Variants in SNCAIP observed in about 807,000 individuals in gnomAD.
SNCAIP encodes the protein synuclein alpha interacting protein.
Under a neutral mutation model 86.7 loss-of-function variants are expected in SNCAIP, and 43 were observed. The ratio of observed to expected loss-of-function variants is 0.50; its 90% CI spans 0.39 to 0.64. The LOEUF is 0.64. Among genes scored for constraint, SNCAIP ranks in the 30% least tolerant of loss-of-function variants. SNCAIP has a pLI of 0.00. For synonymous variants in SNCAIP, 417 were observed against 427.2 expected (o/e 0.98, Z 0.29); for missense variants, 981 against 1,103.1 (o/e 0.89, Z 1.57).
intron 1 of SNCAIP, among the ~76,000 whole-genome samples, chr5:122,377,600 A>T (rs2152806928): frequency 6.6e-6 from 1 of 151,998 alleles, no homozygotes; most frequent in Non-Finnish European, 1.5e-5. Context: ...CAGGTTAGTT[A>T]CATATGTATA....
At chr5:122,369,773 A>G (rs1490494880) in intron 1 of SNCAIP, 1 of 152,208 alleles carries the variant, frequency 6.6e-6, no homozygotes, top group African/African-American at 2.4e-5. Context: ...TGGACCATGT[A>G]TGTGCCTCTG....
chr5:122,392,630 T>A (rs1769650335), intron 2 of SNCAIP, among the ~76,000 whole-genome samples: 1 of 152,148 alleles, frequency 6.6e-6, no homozygotes, highest in Non-Finnish European at 1.5e-5. Flanking sequence ...CGAACTTTGA[T>A]AATGATGTTG....
chr5:122,433,363 T>A (rs1561759871), intron 6 of SNCAIP, among the ~76,000 whole-genome samples: 1 of 152,126 alleles, frequency 6.6e-6, no homozygotes, highest in Non-Finnish European at 1.5e-5. Flanking sequence ...CATGGTCTAA[T>A]GGCTAGTAAG....
At chr5:122,449,358 A>G (rs1783217607) in intron 8 of SNCAIP, among the ~76,000 whole-genome samples, 2 of 152,216 alleles carry the variant, frequency 1.3e-5, no homozygotes, top group Admixed American at 1.3e-4. Flanking sequence ...GTAAATTTGA[A>G]AAATCACAAG....
In SNCAIP at chr5:122,450,708, C is replaced by T. The variant is rs28937592; in HGVS notation, c.1861C>T (p.Arg621Cys). Reference sequence around the variant, plus strand: ...AGATGAAGATTCTGATAAAATCTTACGCCAGTTATTGGGAAAGGAAATCTC... The same window carrying T: ...AGATGAAGATTCTGATAAAATCTTATGCCAGTTATTGGGAAAGGAAATCTC... ...AKDEDSDKIL[R>C]QLLGKEISEN... The change falls in exon 10 of 11, where the codon CGC becomes TGC. Residue 621 changes from arginine (R) to cysteine (C), a missense_variant. Arg to Cys is a radical substitution (Grantham distance 180). Coordinates refer to ENST00000261368, the MANE Select transcript of SNCAIP (RefSeq NM_005460.4). The T allele has an allele frequency of 4.4e-3, 7,118 of 1,614,158 alleles. 22 individuals carry two copies. Among genetic ancestry groups the T allele is most frequent in the Non-Finnish European group, 5.3e-3 (6,234 of 1,180,006 alleles).
intron 3 of SNCAIP, among the ~76,000 whole-genome samples, chr5:122,410,219 T>A (rs773026412): frequency 2.0e-5 from 3 of 152,236 alleles, no homozygotes; most frequent in African/African-American, 7.2e-5. Flanking sequence ...ATTACTGCAC[T>A]TCTTTTGAGT....
chr5:122,370,191 C>T (rs986654184), intron 1 of SNCAIP, among the ~76,000 whole-genome samples: 1 of 151,880 alleles, frequency 6.6e-6, no homozygotes, highest in African/African-American at 2.4e-5. Context: ...ATATATACAT[C>T]TATTATATAT....
At chr5:122,326,540 G>A (rs1400318297) in intron 1 of SNCAIP, among the ~76,000 whole-genome samples, 1 of 147,306 alleles carries the variant, frequency 6.8e-6, no homozygotes, top group Non-Finnish European at 1.5e-5. Context: ...ATCTTTCACT[G>A]CCTTGGAAAA....
intron 1 of SNCAIP, among the ~76,000 whole-genome samples, chr5:122,361,552 GTTT>G (rs942456637): frequency 2.0e-5 from 3 of 152,082 alleles, no homozygotes; most frequent in Non-Finnish European, 4.4e-5. Flanking sequence ...TGAAGGAGCT[GTTT>G]TTTTAAAAAA....
At chr5:122,338,036 A>G (rs938700735) in intron 1 of SNCAIP, among the ~76,000 whole-genome samples, 5 of 152,224 alleles carry the variant, frequency 3.3e-5, no homozygotes, top group African/African-American at 1.2e-4. Context: ...AGTCACATAT[A>G]TTCTTTGATA....
intron 5 of SNCAIP, among the ~76,000 whole-genome samples, chr5:122,426,630 T>C (rs751651929): frequency 1.3e-5 from 2 of 152,202 alleles, no homozygotes; most frequent in Non-Finnish European, 2.9e-5. Flanking sequence ...ATAAAATAAA[T>C]CTATGACCCT....
At chr5:122,345,358 T>C (rs148862392) in intron 1 of SNCAIP, among the ~76,000 whole-genome samples, 3,968 of 152,338 alleles carry the variant, frequency 0.026, 65 homozygotes, top group Middle Eastern at 0.058. Flanking sequence ...GTTTTTGTTT[T>C]TCCTTTCCCC....
chr5:122,337,750 G>C (rs1756790678), intron 1 of SNCAIP, among the ~76,000 whole-genome samples: 1 of 152,194 alleles, frequency 6.6e-6, no homozygotes, highest in African/African-American at 2.4e-5. Flanking sequence ...ATGTTGGCCA[G>C]GCTGGTCTCA....
chr5:122,372,936 G>A (rs986090081), intron 1 of SNCAIP, among the ~76,000 whole-genome samples: 2 of 151,762 alleles, frequency 1.3e-5, no homozygotes, highest in Non-Finnish European at 2.9e-5. Context: ...CTTCTGCTTT[G>A]CAAAATTGTA....
chr5:122,386,044 T>C (rs1424276546), intron 1 of SNCAIP, among the ~76,000 whole-genome samples: 4 of 152,196 alleles, frequency 2.6e-5, no homozygotes, highest in Non-Finnish European at 5.9e-5. Context: ...CACAAATCAA[T>C]GTGCCTTTTA....
chr5:122,411,043 TCA>T (rs1774008109), intron 3 of SNCAIP, among the ~76,000 whole-genome samples: 1 of 152,114 alleles, frequency 6.6e-6, no homozygotes, highest in Non-Finnish European at 1.5e-5. Context: ...GGGTAAAAAC[TCA>T]CAGTCTTCTC....
chr5:122,382,036 C>T lies in SNCAIP; in HGVS notation c.-46-9053C>T, dbSNP rs929640346. Among the ~76,000 whole-genome samples the T allele has an allele frequency of 3.9e-5, 6 of 152,154 alleles. 1 individual carries two copies. In the South Asian group the frequency reaches 1.0e-3, roughly 26 times the overall value. On this transcript the variant is annotated intron_variant, in intron 1 of 10. Coordinates refer to ENST00000261368, the MANE Select transcript of SNCAIP (RefSeq NM_005460.4). ...TTATGTGTCTTGGGGTTGCTCTTCT[C>T]GAGGATTATCTTTGTGGTTTTCTCT...
At chr5:122,318,167 T>C (rs900154563) in intron 1 of SNCAIP, among the ~76,000 whole-genome samples, 3 of 152,022 alleles carry the variant, frequency 2.0e-5, no homozygotes, top group Non-Finnish European at 4.4e-5. Flanking sequence ...AGCAACGCCT[T>C]CTTCTAGCTG....
intron 1 of SNCAIP, among the ~76,000 whole-genome samples, chr5:122,348,163 T>C (rs938210432): frequency 7.9e-5 from 12 of 152,144 alleles, no homozygotes; most frequent in Admixed American, 2.0e-4. Context: ...TTCGTAACAA[T>C]TGGGATACAA....
Sources: gnomAD v4.1 joint callset for allele counts (sites outside exome capture counted in the v4.1 genomes callset) on GRCh38, gnomAD v4.1.1 for gene constraint, MANE v1.5 for transcripts, NCBI Gene and HGNC (gene_info 2026-07-23, HGNC 2026-07-21) for gene names.